Variants in DST observed in about 807,000 individuals in gnomAD.
DST encodes bullous pemphigoid antigen.
In DST, 253 loss-of-function variants were observed where a neutral mutation model predicts 875.2. That is an observed-to-expected ratio of 0.29 (90% confidence interval 0.26 to 0.32). DST has a LOEUF of 0.32. DST is among the 10% of genes least tolerant of loss of function. The pLI, the probability that DST is intolerant of heterozygous loss-of-function variation, is 1.00. For synonymous variants in DST, 3,124 were observed against 3,197.1 expected, an observed-to-expected ratio of 0.98 and a Z score of 0.77; for missense variants, 8,287 against 9,111.6, an observed-to-expected ratio of 0.91 and a Z score of 3.68.
chr6:56,526,636 A>G lies in DST; in HGVS notation c.17923-69T>C, dbSNP rs1358144376. On this transcript the variant is annotated intron_variant, in intron 68 of 103. Coordinates refer to ENST00000680361, the MANE Select transcript of DST (RefSeq NM_001374736.1). ...AGACTTTTCCTTTAACTGTTCTTGGAGCTCAAGTCCTTTGCAGGCGAATAA... is the reference window on the plus strand; with the variant it reads ...AGACTTTTCCTTTAACTGTTCTTGGGGCTCAAGTCCTTTGCAGGCGAATAA... The G allele has an allele frequency of 1.0e-5, 15 of 1,430,640 alleles. No individual in the cohort carries two copies. The Admixed American group carries it at 1.3e-4, about 12-fold the overall frequency. 88.6% of individuals were successfully genotyped at this position (1,430,640 alleles called of 1,614,324 possible). A position where few individuals can be genotyped will look rare whatever the true frequency, so the allele number is the denominator to read the frequency against.
chr6:56,747,446 C>A (rs1370810516), intron 4 of DST, among the ~76,000 whole-genome samples: 5 of 152,156 alleles, frequency 3.3e-5, no homozygotes, highest in Non-Finnish European at 5.9e-5. Context: ...TCTGTTCTCA[C>A]AATTGGCTAA....
chr6:56,702,760 C>A (rs2099315305), intron 7 of DST, among the ~76,000 whole-genome samples: 1 of 151,832 alleles, frequency 6.6e-6, no homozygotes, highest in African/African-American at 2.4e-5. Context: ...AAATGCTTAG[C>A]AAAAATACAA....
rs2097848438 is a variant in DST, at chr6:56,575,352, T to A, written c.13028-1465A>T. ...ACAAACCTGCATATGTACCCTCTGA[T>A]TCTAAAATAAAAGTTGAAGAAAAAA... On this transcript the variant is annotated intron_variant, in intron 50 of 103. Transcript: ENST00000680361. 1.3e-5 allele frequency among the ~76,000 whole-genome samples: 2 copies of A among 152,110 alleles called. 1 individual carries two copies. Among genetic ancestry groups the A allele is most frequent in the South Asian group, 4.2e-4 (2 of 4,814 alleles).
At chr6:56,747,848 T>C (rs142583397) in intron 4 of DST, among the ~76,000 whole-genome samples, 6 of 152,318 alleles carry the variant, frequency 3.9e-5, no homozygotes, top group African/African-American at 7.2e-5. Flanking sequence ...TTTTAAAGTA[T>C]TCAGTTTTGA....
intron 10 of DST, among the ~76,000 whole-genome samples, chr6:56,655,278 T>A (rs1328401169): frequency 6.6e-6 from 1 of 151,510 alleles, no homozygotes. Flanking sequence ...ATCAAAGTAC[T>A]TGGAAAGGAA....
chr6:56,892,393 G>T (rs1788020910), intron 3 of DST, among the ~76,000 whole-genome samples: 1 of 146,998 alleles, frequency 6.8e-6, no homozygotes, highest in Non-Finnish European at 1.5e-5. Flanking sequence ...GCATGATCAT[G>T]GCTTACTGCA....
Position 56,603,890 on chromosome 6 carries a change from C to G in DST, c.10738G>C (p.Glu3580Gln). The G allele has an allele frequency of 6.2e-7, 1 of 1,611,666 alleles. No individual in the cohort carries two copies. Among genetic ancestry groups the G allele is most frequent in the Non-Finnish European group, 8.5e-7 (1 of 1,178,738 alleles). The change falls in exon 40 of 104, where the codon GAA becomes CAA. Residue 3580 changes from glutamate to glutamine, a missense_variant. By Grantham distance (29) the Glu-to-Gln change is conservative. This residue lies in a region of DST where 3,138 missense variants were observed against 3,116.6 expected (regional missense o/e 1.01). Transcript: ENST00000680361. The part of the protein sequence containing the change: ...DLCNDFPSHL[E>Q]CTSGSKEMAS... ...ATCTCTTTAGACCCTGAAGTACATT[C>G]CAAATGGCTTGGGAAATCATTACAC...
intron 39 of DST, among the ~76,000 whole-genome samples, chr6:56,609,838 A>G (rs1162698193): frequency 6.6e-6 from 1 of 152,234 alleles, no homozygotes; most frequent in Non-Finnish European, 1.5e-5. Context: ...GTGACAAATT[A>G]TGTGGAAAGT....
chr6:56,548,476 G>C (rs1169269371), intron 61 of DST, among the ~76,000 whole-genome samples: 1 of 152,236 alleles, frequency 6.6e-6, no homozygotes, highest in African/African-American at 2.4e-5. Context: ...TTACTGGGAG[G>C]CATTCCTTGT....
intron 3 of DST, among the ~76,000 whole-genome samples, chr6:56,892,709 C>G (rs544136140): frequency 5.0e-4 from 76 of 152,250 alleles, no homozygotes; most frequent in African/African-American, 1.6e-3. Flanking sequence ...GGGTGGGGGT[C>G]CCCTCTTTGT....
At chr6:56,717,717 C>T (rs2099400227) in intron 5 of DST, among the ~76,000 whole-genome samples, 1 of 151,752 alleles carries the variant, frequency 6.6e-6, no homozygotes, top group African/African-American at 2.4e-5. Context: ...CCAGAAATGA[C>T]ACAGGTTCAT....
intron 68 of DST, 111 bp downstream of exon 68, chr6:56,527,382 G>A (rs1284093645): frequency 7.4e-7 from 1 of 1,359,986 alleles, no homozygotes; most frequent in Non-Finnish European, 9.8e-7. Flanking sequence ...CACCCACCAA[G>A]GCATCCTTCA....
intron 61 of DST, among the ~76,000 whole-genome samples, chr6:56,547,275 G>A (rs1308493047): frequency 6.6e-6 from 1 of 152,194 alleles, no homozygotes; most frequent in African/African-American, 2.4e-5. Flanking sequence ...TTCATAGCTA[G>A]GTGTGGTCTC....
intron 4 of DST, chr6:56,843,667 G>T (rs2099803411): frequency 2.3e-5 from 23 of 982,742 alleles, no homozygotes; most frequent in Non-Finnish European, 2.8e-5. Flanking sequence ...TGGCCGCCGC[G>T]CCGCAGACAC....
chr6:56,913,729 C>T (rs941798452), intron 2 of DST, among the ~76,000 whole-genome samples: 2 of 152,192 alleles, frequency 1.3e-5, no homozygotes, highest in Non-Finnish European at 2.9e-5. Context: ...TACTCTCAGT[C>T]AACAACCTAG....
chr6:56,844,703 T>G (rs2099805152), intron 4 of DST, among the ~76,000 whole-genome samples: 1 of 152,010 alleles, frequency 6.6e-6, no homozygotes, highest in African/African-American at 2.4e-5. Flanking sequence ...TGAAATCCCG[T>G]CTCTACTAAA....
chr6:56,529,992 TTCC>T lies in DST; in HGVS notation c.17247_17249del (p.Glu5750del), dbSNP rs1562586127. 2 of 1,613,616 alleles carry T rather than the reference TTCC, an allele frequency of 1.2e-6. No individual in the cohort carries two copies. Among genetic ancestry groups the T allele is most frequent in the South Asian group, 2.2e-5 (2 of 91,056 alleles). On this transcript the variant is annotated inframe_deletion, in exon 65 of 104. Transcript: ENST00000680361. ...ATCTTACTTTGTGCTGTGCAATTTG[TTCC>T]TCAAGTTTAGATGCTTGGGTTCCTA...
At position 56,607,687 on chromosome 6, in the gene DST, C is replaced by T; in HGVS notation, c.6941G>A (p.Ser2314Asn). 12 of 1,613,416 alleles carry T rather than the reference C, an allele frequency of 7.4e-6. No homozygotes were observed. The highest frequency in any genetic ancestry group is 1.0e-5 in the Non-Finnish European group (12 of 1,179,610). The part of the protein sequence containing the change: ...FNEMRNTVIN[S>N]EFSQSGKLAS... ...CAGTTTTCCTGACTGAGAAAATTCA[C>T]TATTGATAACAGTATTTCTCATTTC... Residue 2314 changes from serine (S) to asparagine (N), a missense_variant, in exon 40 of 104, where the codon AGT becomes AAT. Around this residue, in one of 10 missense-constraint regions of DST, gnomAD observed 3,138 missense variants for 3,116.6 expected, o/e 1.01. Transcript: ENST00000680361.
At chr6:56,651,413 A>G (rs1184825873) in intron 10 of DST, among the ~76,000 whole-genome samples, 169 bp from the exon 11 acceptor site, 1 of 152,248 alleles carries the variant, frequency 6.6e-6, no homozygotes, top group Non-Finnish European at 1.5e-5. Flanking sequence ...TTATCTCAGA[A>G]ACTTCTGTAT....
Sources: gnomAD v4.1 joint callset for allele counts (sites outside exome capture counted in the v4.1 genomes callset) on GRCh38, gnomAD v4.1.1 for gene constraint, gnomAD v4.1.1 regional missense constraint, MANE v1.5 for transcripts, NCBI Gene and HGNC (gene_info 2026-07-23, HGNC 2026-07-21) for gene names.